The following GATA3 variants were observed in gnomAD, a reference collection of about 807,000 sequenced individuals.
GATA3 encodes GATA binding protein 3, also known as trans-acting T-cell-specific transcription factor GATA-3.
Under a neutral mutation model 36.0 loss-of-function variants are expected in GATA3, and 6 were observed. That is an observed-to-expected ratio of 0.17 (90% CI 0.09 to 0.33). GATA3 has a LOEUF of 0.33. GATA3 is among the 10% of genes least tolerant of loss of function. GATA3 has a pLI of 1.00. For synonymous variants in GATA3, 326 were observed against 273.0 expected, an observed-to-expected ratio of 1.19 and a Z score of -1.92; for missense variants, 514 against 610.1, an observed-to-expected ratio of 0.84 and a Z score of 1.66.
rs66810069 is a variant in GATA3, at chr10:8,065,962, T to TA, written c.924+1843dup. On this transcript the variant is annotated intron_variant, in intron 4 of 5. Transcript: ENST00000379328. ...GAATCACTCAAAAACCTGGCCTTAG[T>TA]AAAAAAAAAAAAAAAAAAAGAGAGA... Among the ~76,000 whole-genome samples, 843 of 91,040 alleles carry TA rather than the reference T, an allele frequency of 9.3e-3. 15 individuals carry two copies. Among genetic ancestry groups the TA allele is most frequent in the African/African-American group, 0.032 (759 of 23,812 alleles). 59.7% of individuals were successfully genotyped at this position (91,040 alleles called of 152,430 possible).
intron 5 of GATA3, 40 bp from the exon 6 acceptor site, chr10:8,073,699 A>C: frequency 6.4e-7 from 1 of 1,571,414 alleles, no homozygotes. Flanking sequence ...AGAGGCAGCA[A>C]AAAAGTAAAA....
upstream of GATA3, among the ~76,000 whole-genome samples, chr10:8,049,270 C>A (rs1364595785): frequency 6.6e-6 from 1 of 152,166 alleles, no homozygotes; most frequent in Non-Finnish European, 1.5e-5. Context: ...TTGGACGCAC[C>A]CGCCTCCATC....
chr10:8,055,392 G>GTT lies in GATA3; in HGVS notation c.-261_-260dup, dbSNP rs1484199234. On this transcript the variant is annotated 5_prime_UTR_variant, in exon 2 of 6. Transcript: ENST00000379328. The surrounding 1 kb of genome is among the most constrained non-coding windows in gnomAD (Gnocchi z 5.4). ...TCGCCCCTTTTTACAACCTGGTCCCGTTTTATTCTGCCGTACCCAGTTTTT... is the reference window on the plus strand; with the variant it reads ...TCGCCCCTTTTTACAACCTGGTCCCGTTTTTTATTCTGCCGTACCCAGTTTTT... 2 of 559,390 alleles carry GTT rather than the reference G, an allele frequency of 3.6e-6. No homozygotes were observed. The highest frequency in any genetic ancestry group is 6.1e-5 in the East Asian group (2 of 32,722). The allele number at this position is 559,390 out of a possible 1,614,324, so 34.7% of individuals were successfully genotyped here.
upstream of GATA3, chr10:8,053,050 A>G (rs35121149): frequency 5.9e-5 from 9 of 152,226 alleles, no homozygotes; most frequent in Non-Finnish European, 4.4e-5. The surrounding 1 kb of genome is among the most constrained non-coding windows in gnomAD (Gnocchi z 5.1). Flanking sequence ...TCACGTTTCC[A>G]CTACTTCTTC....
chr10:8,065,790 T>G (rs1354091390), intron 4 of GATA3, among the ~76,000 whole-genome samples: 2 of 112,888 alleles, frequency 1.8e-5, no homozygotes, highest in Non-Finnish European at 3.3e-5. Context: ...GCACTGGAGA[T>G]AACTCATAAA....
Position 8,055,849 on chromosome 10 carries a change from G to A in GATA3, c.194G>A (p.Gly65Glu), listed in dbSNP as rs1240522310. ...GGCAACCACGTCCCGCCCTACTACG[G>A]AAACTCGGTCAGGGCCACGGTGCAG... ...GQGNHVPPYY[G>E]NSVRATVQRY... The change falls in exon 2 of 6, where the codon GGA becomes GAA. Residue 65 changes from glycine (G) to glutamate (E), a missense_variant. Gly to Glu is a moderately conservative substitution (Grantham distance 98). Coordinates refer to ENST00000379328, the MANE Select transcript of GATA3 (RefSeq NM_001002295.2). The surrounding 1 kb of genome is among the most constrained non-coding windows in gnomAD (Gnocchi z 5.4). The A allele has an allele frequency of 6.3e-7, 1 of 1,580,292 alleles. No individual in the cohort carries two copies. Among genetic ancestry groups the A allele is most frequent in the Non-Finnish European group, 8.6e-7 (1 of 1,162,800 alleles).
At chr10:8,062,833 C>T (rs1471269669) in intron 3 of GATA3, among the ~76,000 whole-genome samples, 5 of 152,176 alleles carry the variant, frequency 3.3e-5, no homozygotes, top group African/African-American at 1.2e-4. Context: ...TCTGGGCACC[C>T]AGAGAACTGG....
At chr10:8,063,886 G>A (rs886883977) in intron 3 of GATA3, 107 bp from the exon 4 acceptor site, 3 of 1,498,106 alleles carry the variant, frequency 2.0e-6, no homozygotes, top group South Asian at 2.3e-5. Flanking sequence ...AGAGGAGGGA[G>A]AAGGAAAAAA....
At chr10:8,050,887 C>A (rs749814226), upstream of GATA3, 28 of 467,836 alleles carry the variant, frequency 6.0e-5, no homozygotes, top group Non-Finnish European at 1.1e-4. Flanking sequence ...CCCGGGGCTC[C>A]GCTTTGCCTG....
At chr10:8,048,077 A>G (rs948407638) in intron 1 of GATA3, among the ~76,000 whole-genome samples, 7 of 152,102 alleles carry the variant, frequency 4.6e-5, no homozygotes, top group African/African-American at 1.4e-4. Context: ...TCCCGCTACA[A>G]TCACACTCCA....
intron 3 of GATA3, among the ~76,000 whole-genome samples, chr10:8,061,144 G>C (rs1204366711): frequency 6.6e-6 from 1 of 152,002 alleles, no homozygotes; most frequent in African/African-American, 2.4e-5. Context: ...GGAGGACACA[G>C]AGAAGAGAGA....
At chr10:8,052,938 C>A (rs1832538887), upstream of GATA3, 3 of 139,832 alleles carry the variant, frequency 2.1e-5, no homozygotes, top group Non-Finnish European at 4.6e-5. Flanking sequence ...GGGGTTCTTT[C>A]TTTCTGTCCT....
At chr10:8,070,616 T>C (rs879548505) in intron 5 of GATA3, among the ~76,000 whole-genome samples, 5 of 152,198 alleles carry the variant, frequency 3.3e-5, no homozygotes, top group Admixed American at 3.3e-4. Flanking sequence ...GCGGCGGTTC[T>C]GGCAATGAAC....
At chr10:8,054,583 C>G (rs1832585133), upstream of GATA3, 1 of 152,142 alleles carries the variant, frequency 6.6e-6, no homozygotes, top group Non-Finnish European at 1.5e-5. This position sits in a 1 kb window ranked among gnomAD's most constrained non-coding sequence, Gnocchi z 4.2. Flanking sequence ...TTGCAGTTTC[C>G]TTGTGCCGGG....
chr10:8,051,409 G>A, upstream of GATA3: 1 of 218,496 alleles, frequency 4.6e-6, no homozygotes, highest in Non-Finnish European at 9.5e-6. Context: ...CGCCTGCTCG[G>A]CTGCGGGATG....
chr10:8,047,118 C>T (rs770683509), intron 1 of GATA3, among the ~76,000 whole-genome samples: 4 of 152,134 alleles, frequency 2.6e-5, no homozygotes, highest in Non-Finnish European at 4.4e-5. Context: ...CAGTCAGGGG[C>T]GCAGAGAAGG....
upstream of GATA3, chr10:8,050,954 C>T (rs745725410): frequency 4.2e-6 from 2 of 477,502 alleles, no homozygotes; most frequent in East Asian, 6.6e-5. Flanking sequence ...GCACCTCGGC[C>T]CCGCGGAGCT....
chr10:8,067,675 T>C (rs552231369), intron 4 of GATA3, among the ~76,000 whole-genome samples: 1 of 146,888 alleles, frequency 6.8e-6, no homozygotes, highest in African/African-American at 2.6e-5. Flanking sequence ...AAAAATTAGC[T>C]GGGGCGGTGG....
intron 4 of GATA3, among the ~76,000 whole-genome samples, chr10:8,066,450 C>CT (rs774012162): frequency 0.018 from 1,791 of 101,254 alleles, 34 homozygotes; most frequent in African/African-American, 0.049. Context: ...TTCTTTCTTT[C>CT]TTTTTTTTTT....
Sources: gnomAD v4.1 joint callset for allele counts (sites outside exome capture counted in the v4.1 genomes callset) on GRCh38, gnomAD v4.1.1 for gene constraint, Gnocchi (gnomAD v3.1) non-coding constraint, MANE v1.5 for transcripts, NCBI Gene and HGNC (gene_info 2026-07-23, HGNC 2026-07-21) for gene names.